EYA1: variants seen among roughly 807,000 people sequenced by gnomAD.
The protein encoded by EYA1 is protein phosphatase EYA1.
EYA1 carries 16 observed loss-of-function variants against 82.0 expected under a neutral mutation model. The ratio of observed to expected loss-of-function variants is 0.20; its 90% CI spans 0.13 to 0.30. EYA1 has a LOEUF of 0.30. Among genes scored for constraint, EYA1 ranks in the 10% least tolerant of loss-of-function variants. EYA1 has a pLI of 1.00. For missense variants in EYA1, 633 were observed against 730.7 expected (o/e 0.87, Z 1.54); for synonymous variants, 261 against 264.4 (o/e 0.99, Z 0.12).
chr8:71,263,163 G>A (rs1815344903), intron 11 of EYA1, among the ~76,000 whole-genome samples: 2 of 151,918 alleles, frequency 1.3e-5, no homozygotes, highest in African/African-American at 2.4e-5. Flanking sequence ...TTCTTCCTGG[G>A]CACACAGGAA....
intron 9 of EYA1, 28 bp downstream of exon 9, chr8:71,299,019 G>T (rs1187426109): frequency 1.3e-6 from 2 of 1,596,428 alleles, no homozygotes; most frequent in South Asian, 1.1e-5. Flanking sequence ...AATATCACCT[G>T]CAGGACTAAT....
At chr8:71,422,182 G>A (rs185921188) in intron 2 of EYA1, among the ~76,000 whole-genome samples, 118 of 152,192 alleles carry the variant, frequency 7.8e-4, no homozygotes, top group Middle Eastern at 6.8e-3. Flanking sequence ...ACTTTTATGG[G>A]GAAGCCTCCC....
intron 2 of EYA1, among the ~76,000 whole-genome samples, chr8:71,450,447 C>G (rs907597967): frequency 6.6e-6 from 1 of 152,124 alleles, no homozygotes; most frequent in Non-Finnish European, 1.5e-5. Flanking sequence ...GTGGAGAAGT[C>G]AGAACACATA....
intron 2 of EYA1, among the ~76,000 whole-genome samples, chr8:71,457,196 C>A (rs1332739142): frequency 6.6e-6 from 1 of 152,160 alleles, no homozygotes; most frequent in East Asian, 1.9e-4. Flanking sequence ...AAATGCAAAT[C>A]AAAACCACAA....
At position 71,269,749 on chromosome 8, in the gene EYA1, T is replaced by C. The variant is rs746748771; in HGVS notation, c.1041A>G (p.Arg347=). ...GCCTCTTGGTACTCACCCTCCCATA[T>C]CTGTTGGCGTAGGACCCAGTAAGCA... ...HSLLTGSYAN[R]YGRDPPTSVS... Residue 347 remains arginine, a synonymous_variant, in exon 11 of 18, where the codon AGA becomes AGG. Coordinates refer to ENST00000340726, the MANE Select transcript of EYA1 (RefSeq NM_000503.6). 1.2e-6 allele frequency: 2 copies of C among 1,613,348 alleles called. No homozygotes were observed. The highest frequency in any genetic ancestry group is 1.7e-6 in the Non-Finnish European group (2 of 1,179,398).
intron 7 of EYA1, 102 bp downstream of exon 7, chr8:71,317,450 T>C (rs1822046188): frequency 8.0e-7 from 1 of 1,252,592 alleles, no homozygotes; most frequent in African/African-American, 1.5e-5. Flanking sequence ...CCCAATCCAG[T>C]TGCCATCATC....
chr8:71,453,895 G>T (rs1765318347), intron 2 of EYA1, among the ~76,000 whole-genome samples: 1 of 152,124 alleles, frequency 6.6e-6, no homozygotes, highest in South Asian at 2.1e-4. Context: ...ACATCATAAT[G>T]ACAGGATCAA....
chr8:71,486,254 T>C (rs958631425), intron 2 of EYA1, among the ~76,000 whole-genome samples: 2 of 152,104 alleles, frequency 1.3e-5, no homozygotes, highest in East Asian at 3.8e-4. Flanking sequence ...GGTGCAACAG[T>C]GATTGCTGCA....
chr8:71,289,725 C>T (rs927245015), intron 9 of EYA1, among the ~76,000 whole-genome samples: 1 of 152,166 alleles, frequency 6.6e-6, no homozygotes, highest in Non-Finnish European at 1.5e-5. Context: ...TGGGAATTAT[C>T]TAAGTTAATG....
At chr8:71,390,367 A>G (rs912355293) in intron 2 of EYA1, among the ~76,000 whole-genome samples, 2 of 151,310 alleles carry the variant, frequency 1.3e-5, no homozygotes, top group African/African-American at 4.9e-5. Flanking sequence ...GCCTCAAGTG[A>G]TCCTTCTGCC....
intron 2 of EYA1, among the ~76,000 whole-genome samples, chr8:71,407,929 C>A (rs1347478961): frequency 1.4e-5 from 2 of 141,330 alleles, no homozygotes; most frequent in Admixed American, 1.4e-4. Flanking sequence ...GTCAGATTCA[C>A]CAAAGTTGAA....
chr8:71,304,071 AATTTAT>A (rs58293427), intron 7 of EYA1, among the ~76,000 whole-genome samples: 36,179 of 141,896 alleles, frequency 0.25, 8,685 homozygotes, highest in Admixed American at 0.31. Flanking sequence ...ATATTAAAAT[AATTTAT>A]ATTTATATCT....
intron 10 of EYA1, among the ~76,000 whole-genome samples, chr8:71,271,155 T>A (rs1187549784): frequency 1.3e-5 from 2 of 152,176 alleles, no homozygotes; most frequent in Non-Finnish European, 2.9e-5. Context: ...TATTTTTAAT[T>A]TTTGTGGATA....
At chr8:71,231,394 T>G (rs1811178084) in intron 12 of EYA1, among the ~76,000 whole-genome samples, 1 of 152,186 alleles carries the variant, frequency 6.6e-6, no homozygotes, top group Non-Finnish European at 1.5e-5. Context: ...TCACAAGCAC[T>G]CTCTGTGTGT....
rs557489168 is a variant in EYA1, at chr8:71,288,896, A to T, written c.826+10151T>A. ...TGAAGAAATGAAATTTAAATTAATCAAGAGGTCCCTGAAGTTTCTGAAGGA... is the reference window on the plus strand; with the variant it reads ...TGAAGAAATGAAATTTAAATTAATCTAGAGGTCCCTGAAGTTTCTGAAGGA... On this transcript the variant is annotated intron_variant, in intron 9 of 17. Transcript: ENST00000340726. Among the ~76,000 whole-genome samples, 34 of 152,336 alleles carry T rather than the reference A, an allele frequency of 2.2e-4. No homozygotes were observed. The South Asian group carries it at 7.1e-3, about 32-fold the overall frequency.
intron 4 of EYA1, among the ~76,000 whole-genome samples, chr8:71,326,239 C>T (rs1288681204): frequency 2.6e-5 from 4 of 152,128 alleles, no homozygotes; most frequent in African/African-American, 9.7e-5. Context: ...ATTGGCAGGT[C>T]CTCAGCTCAT....
At chr8:71,256,791 G>A (rs1402333879) in intron 11 of EYA1, among the ~76,000 whole-genome samples, 2 of 152,150 alleles carry the variant, frequency 1.3e-5, no homozygotes, top group Non-Finnish European at 2.9e-5. Context: ...CCTGAGGTCA[G>A]GAGTTCAAGA....
At chr8:71,264,782 C>T (rs1200914265) in intron 11 of EYA1, among the ~76,000 whole-genome samples, 1 of 151,896 alleles carries the variant, frequency 6.6e-6, no homozygotes, top group Non-Finnish European at 1.5e-5. Context: ...GGACTCTTGC[C>T]ATGTTACCCA....
intron 4 of EYA1, among the ~76,000 whole-genome samples, chr8:71,327,391 A>C: frequency 6.6e-6 from 1 of 152,244 alleles, no homozygotes; most frequent in East Asian, 1.9e-4. Context: ...ATATCACCAG[A>C]CATCAACTAG....
Sources: gnomAD v4.1 joint callset for allele counts (sites outside exome capture counted in the v4.1 genomes callset) on GRCh38, gnomAD v4.1.1 for gene constraint, MANE v1.5 for transcripts, NCBI Gene and HGNC (gene_info 2026-07-23, HGNC 2026-07-21) for gene names.